Variants in PCDH15 observed in about 807,000 individuals in gnomAD.
PCDH15 encodes protocadherin-15.
PCDH15 carries 129 observed loss-of-function variants against 178.5 expected under a neutral mutation model. The ratio of observed to expected loss-of-function variants is 0.72; its 90% CI spans 0.63 to 0.84. The LOEUF (loss-of-function observed/expected upper bound fraction) is 0.84. Among genes scored for constraint, PCDH15 ranks in the 40% least tolerant of loss-of-function variants. PCDH15 has a pLI of 0.00. For missense variants in PCDH15, 2,230 were observed against 2,099.9 expected (o/e 1.06, Z -1.21); for synonymous variants, 800 against 732.0 (o/e 1.09, Z -1.50).
intron 9 of PCDH15, among the ~76,000 whole-genome samples, chr10:54,214,254 G>A (rs2051755477): frequency 6.0e-5 from 1 of 16,534 alleles, no homozygotes; most frequent in African/African-American, 4.9e-4. Context: ...AATGGAAAAT[G>A]TTTGGATGAT....
intron 1 of PCDH15, among the ~76,000 whole-genome samples, chr10:54,731,551 T>TAG (rs1943359726): frequency 1.4e-4 from 5 of 36,378 alleles, no homozygotes; most frequent in Non-Finnish European, 2.8e-4. Context: ...GATAGATATA[T>TAG]ATATATATAT....
intron 13 of PCDH15, among the ~76,000 whole-genome samples, chr10:54,166,641 A>C (rs1180532117): frequency 6.6e-6 from 1 of 152,096 alleles, no homozygotes; most frequent in Non-Finnish European, 1.5e-5. Context: ...AACTATTTTT[A>C]TTTTACTCAG....
intron 25 of PCDH15, among the ~76,000 whole-genome samples, chr10:53,912,058 G>T (rs547497781): frequency 1.3e-5 from 2 of 152,142 alleles, no homozygotes; most frequent in Non-Finnish European, 2.9e-5. Flanking sequence ...TAAAATACCC[G>T]CAAACTGAAT....
In PCDH15 at chr10:55,258,320, T is replaced by C. The variant is rs559871106; in HGVS notation, c.-156+61279A>G. Among the ~76,000 whole-genome samples, 14 of 152,258 alleles carry C rather than the reference T, an allele frequency of 9.2e-5. 1 individual carries two copies. The South Asian group carries it at 2.7e-3, about 29-fold the overall frequency. ...TTATGGAGAACTAGAACTAGGTAAG[T>C]ATTAATTAACTCTTGCCCTACCCTA... On this transcript the variant is annotated intron_variant, in intron 1 of 5. Coordinates refer to the PCDH15 transcript ENST00000458638.
chr10:55,550,875 C>T (rs369644638), intron 2 of PCDH15, among the ~76,000 whole-genome samples: 48 of 152,058 alleles, frequency 3.2e-4, no homozygotes, highest in African/African-American at 1.0e-3. Context: ...CCTTGATGTC[C>T]GGTTTTGTAA....
At chr10:54,593,888 C>T (rs2092042208) in intron 2 of PCDH15, among the ~76,000 whole-genome samples, 2 of 151,758 alleles carry the variant, frequency 1.3e-5, no homozygotes, top group African/African-American at 4.8e-5. Flanking sequence ...AGATGGCCAA[C>T]TAGATGCAGC....
chr10:54,219,118 A>AC (rs1491232878), intron 9 of PCDH15, among the ~76,000 whole-genome samples: 2 of 142,516 alleles, frequency 1.4e-5, no homozygotes, highest in East Asian at 4.0e-4. Flanking sequence ...CAAAAAAAAA[A>AC]CAAAAAATTA....
chr10:55,019,117 C>T (rs1840261167), intron 2 of PCDH15, among the ~76,000 whole-genome samples: 1 of 152,072 alleles, frequency 6.6e-6, no homozygotes, highest in East Asian at 1.9e-4. Context: ...ATTACATTAT[C>T]AATCACTGAC....
At chr10:55,505,001 G>T (rs1840731082) in intron 2 of PCDH15, among the ~76,000 whole-genome samples, 1 of 151,372 alleles carries the variant, frequency 6.6e-6, no homozygotes, top group Non-Finnish European at 1.5e-5. Flanking sequence ...ATAGGAGTTT[G>T]TCATAAGAGC....
chr10:55,400,777 C>T (rs572829071), intron 2 of PCDH15, among the ~76,000 whole-genome samples: 1 of 152,136 alleles, frequency 6.6e-6, no homozygotes, highest in East Asian at 1.9e-4. Flanking sequence ...GTCTTTCATA[C>T]TTTGAGTTTC....
intron 3 of PCDH15, among the ~76,000 whole-genome samples, chr10:54,470,122 C>T (rs2077803256): frequency 6.6e-6 from 1 of 152,104 alleles, no homozygotes; most frequent in African/African-American, 2.4e-5. Context: ...ATCCCCAAAC[C>T]CCCAACAGAA....
At chr10:54,161,479 C>T (rs566101953) in intron 13 of PCDH15, among the ~76,000 whole-genome samples, 15 of 152,092 alleles carry the variant, frequency 9.9e-5, no homozygotes, top group African/African-American at 3.1e-4. Context: ...ATGTATAGAA[C>T]TAGATTGTGG....
At chr10:54,427,214 T>C (rs1956370625) in intron 3 of PCDH15, among the ~76,000 whole-genome samples, 1 of 151,260 alleles carries the variant, frequency 6.6e-6, no homozygotes, top group Non-Finnish European at 1.5e-5. Flanking sequence ...ATCTTATTTA[T>C]CTTATTTCTC....
intron 2 of PCDH15, among the ~76,000 whole-genome samples, chr10:55,363,139 C>A (rs1225902850): frequency 2.0e-5 from 3 of 152,126 alleles, no homozygotes; most frequent in African/African-American, 7.2e-5. Context: ...TTCGTTTTCA[C>A]TCAGCATAAT....
In PCDH15 at chr10:54,006,645, G is replaced by A. The variant is rs541763556; in HGVS notation, c.2752-10880C>T. On this transcript the variant is annotated intron_variant, in intron 20 of 37. Transcript: ENST00000644397. ...CGTAACTGCCTCTCAGGTGTCCACGGTTTCACAAATGCTGCCTTGGTACTG... is the reference window on the plus strand; with the variant it reads ...CGTAACTGCCTCTCAGGTGTCCACGATTTCACAAATGCTGCCTTGGTACTG... 2.6e-5 allele frequency among the ~76,000 whole-genome samples: 4 copies of A among 152,270 alleles called. No homozygotes were observed. In the East Asian group the frequency reaches 7.7e-4, roughly 29 times the overall value.
intron 8 of PCDH15, among the ~76,000 whole-genome samples, chr10:54,267,433 C>CCAA (rs1452406136): frequency 6.6e-6 from 1 of 151,684 alleles, no homozygotes; most frequent in Non-Finnish European, 1.5e-5. Flanking sequence ...GAATGATCGA[C>CCAA]CAACAGCAAG....
intron 3 of PCDH15, among the ~76,000 whole-genome samples, chr10:54,498,266 T>C (rs1185882291): frequency 6.6e-6 from 1 of 152,102 alleles, no homozygotes; most frequent in Non-Finnish European, 1.5e-5. Context: ...TTAAGGGAAA[T>C]TGTAACCACC....
chr10:54,638,899 G>A (rs2093926563), intron 2 of PCDH15, among the ~76,000 whole-genome samples: 1 of 151,988 alleles, frequency 6.6e-6, no homozygotes, highest in Non-Finnish European at 1.5e-5. Context: ...CAACTTGGAT[G>A]GAACTGGAGG....
intron 23 of PCDH15, among the ~76,000 whole-genome samples, chr10:53,947,032 T>C (rs2086634784): frequency 6.6e-6 from 1 of 152,132 alleles, no homozygotes; most frequent in Non-Finnish European, 1.5e-5. Flanking sequence ...CATCTCGGCC[T>C]CTCAAAGTGC....
Sources: allele counts gnomAD v4.1 joint callset (sites outside exome capture counted in the v4.1 genomes callset), GRCh38; gene constraint gnomAD v4.1.1; transcripts MANE v1.5; gene names NCBI Gene and HGNC (gene_info 2026-07-23, HGNC 2026-07-21).